Variants in MAGI1 observed in about 807,000 individuals in gnomAD.
The protein encoded by MAGI1 is membrane associated guanylate kinase, WW and PDZ domain containing 1.
In MAGI1, 58 loss-of-function variants were observed where a neutral mutation model predicts 139.9. The ratio of observed to expected loss-of-function variants is 0.41; its 90% CI spans 0.34 to 0.52. The LOEUF is 0.52. MAGI1 is among the 20% of genes least tolerant of loss of function. The probability of loss-of-function intolerance (pLI) is 0.12; values close to 1 mark genes in which losing one functional copy is unlikely to be tolerated. For synonymous variants in MAGI1, 812 were observed against 737.9 expected, an observed-to-expected ratio of 1.10 and a Z score of -1.63; for missense variants, 1,874 against 1,901.6, an observed-to-expected ratio of 0.99 and a Z score of 0.27.
At chr3:65,692,920 T>A (rs148214793) in intron 1 of MAGI1, among the ~76,000 whole-genome samples, 2 of 152,042 alleles carry the variant, frequency 1.3e-5, no homozygotes, top group Non-Finnish European at 2.9e-5. Context: ...GTAAGAAATA[T>A]TGCTTTTTTG....
At chr3:65,402,255 A>C (rs1355417001) in intron 12 of MAGI1, among the ~76,000 whole-genome samples, 3 of 152,162 alleles carry the variant, frequency 2.0e-5, no homozygotes, top group Non-Finnish European at 2.9e-5. Context: ...GAAAAAGATA[A>C]TAATGGAGAA....
At chr3:65,942,080 C>T (rs967617714) in intron 1 of MAGI1, among the ~76,000 whole-genome samples, 2 of 152,228 alleles carry the variant, frequency 1.3e-5, no homozygotes, top group Admixed American at 6.5e-5. Context: ...AGCCACCATA[C>T]CCAGCCTTAG....
intron 1 of MAGI1, among the ~76,000 whole-genome samples, chr3:65,805,872 T>A (rs550227982): frequency 1.3e-5 from 2 of 152,134 alleles, no homozygotes; most frequent in East Asian, 1.9e-4. Context: ...TCACTCATAA[T>A]TGGGAGCTGA....
At chr3:65,381,303 T>C (rs1304851079) in intron 16 of MAGI1, among the ~76,000 whole-genome samples, 1 of 152,122 alleles carries the variant, frequency 6.6e-6, no homozygotes, top group Non-Finnish European at 1.5e-5. Context: ...AAGTTATATT[T>C]GAGCTGAGCC....
intron 12 of MAGI1, among the ~76,000 whole-genome samples, chr3:65,411,859 C>T (rs756071834): frequency 6.6e-6 from 1 of 152,096 alleles, no homozygotes; most frequent in Non-Finnish European, 1.5e-5. Flanking sequence ...TTTCTCTCTC[C>T]CACCATATCC....
At chr3:65,803,238 A>T (rs2040629170) in intron 1 of MAGI1, among the ~76,000 whole-genome samples, 1 of 152,178 alleles carries the variant, frequency 6.6e-6, no homozygotes, top group African/African-American at 2.4e-5. Flanking sequence ...GCGATATTAT[A>T]ACAGCAGGTG....
chr3:65,790,542 G>A (rs1393483050), intron 1 of MAGI1, among the ~76,000 whole-genome samples: 1 of 152,160 alleles, frequency 6.6e-6, no homozygotes, highest in African/African-American at 2.4e-5. Flanking sequence ...TGAATGGTTA[G>A]GCAGAAGACA....
intron 2 of MAGI1, among the ~76,000 whole-genome samples, chr3:65,614,653 A>G (rs1039020870): frequency 2.0e-5 from 3 of 152,168 alleles, no homozygotes; most frequent in African/African-American, 4.8e-5. Context: ...ATATGTAATG[A>G]CAGTAATAAC....
chr3:65,433,796 G>T (rs750917741), intron 10 of MAGI1, among the ~76,000 whole-genome samples: 3 of 152,004 alleles, frequency 2.0e-5, no homozygotes, highest in Admixed American at 6.6e-5. Flanking sequence ...AGGATGGGGG[G>T]AGGGGAAAGA....
chr3:65,465,598 A>G (rs2107557377), intron 5 of MAGI1, among the ~76,000 whole-genome samples: 1 of 152,240 alleles, frequency 6.6e-6, no homozygotes, highest in East Asian at 1.9e-4. Flanking sequence ...GATGACAAAT[A>G]TGCTGTCATT....
chr3:65,678,009 C>T (rs375494248), intron 1 of MAGI1, among the ~76,000 whole-genome samples: 2 of 152,158 alleles, frequency 1.3e-5, no homozygotes, highest in East Asian at 3.8e-4. Context: ...AGGATGAGTT[C>T]ATGTCCTTTG....
chr3:65,863,060 A>G (rs1168888075), intron 1 of MAGI1, among the ~76,000 whole-genome samples: 2 of 152,226 alleles, frequency 1.3e-5, no homozygotes, highest in East Asian at 1.9e-4. Context: ...AGTACTTTCC[A>G]TAAGTACCAG....
intron 1 of MAGI1, among the ~76,000 whole-genome samples, chr3:66,028,136 C>T (rs1349327360): frequency 2.0e-5 from 3 of 152,088 alleles, no homozygotes; most frequent in African/African-American, 7.2e-5. Context: ...GAAACCCCAT[C>T]TCTACAAACA....
At chr3:65,364,043 A>T (rs2106741058) in intron 20 of MAGI1, among the ~76,000 whole-genome samples, 1 of 152,112 alleles carries the variant, frequency 6.6e-6, no homozygotes, top group South Asian at 2.1e-4. Context: ...CCAGGCAACC[A>T]GTAAAGAAAG....
chr3:65,478,489 C>T (rs1417315806), intron 4 of MAGI1, 103 bp downstream of exon 4: 8 of 1,176,654 alleles, frequency 6.8e-6, no homozygotes, highest in African/African-American at 1.5e-5. Context: ...GGCGACTCTA[C>T]AAAATCCCTC....
chr3:65,749,710 T>TAA (rs11328627), intron 1 of MAGI1, among the ~76,000 whole-genome samples: 562 of 134,808 alleles, frequency 4.2e-3, no homozygotes, highest in African/African-American at 7.4e-3. Flanking sequence ...TAGTCTGAGT[T>TAA]AAAAAAAAAA....
At chr3:65,946,227 T>C (rs2063539311) in intron 1 of MAGI1, among the ~76,000 whole-genome samples, 3 of 152,098 alleles carry the variant, frequency 2.0e-5, no homozygotes, top group Admixed American at 2.0e-4. Context: ...GAAAGGGTGG[T>C]GATGAAGAAG....
At chr3:65,543,224 T>C (rs1026860975) in intron 2 of MAGI1, among the ~76,000 whole-genome samples, 1 of 152,196 alleles carries the variant, frequency 6.6e-6, no homozygotes, top group Non-Finnish European at 1.5e-5. Flanking sequence ...CCAGTTAGAA[T>C]GGCGATCATT....
chr3:65,971,718 C>T (rs1444668015), intron 1 of MAGI1, among the ~76,000 whole-genome samples: 2 of 152,218 alleles, frequency 1.3e-5, no homozygotes, highest in Non-Finnish European at 1.5e-5. Context: ...ACACAGAAGC[C>T]TTCCTGCACC....
Sources: gnomAD v4.1 joint callset for allele counts (sites outside exome capture counted in the v4.1 genomes callset) on GRCh38, gnomAD v4.1.1 for gene constraint, MANE v1.5 for transcripts, NCBI Gene and HGNC (gene_info 2026-07-23, HGNC 2026-07-21) for gene names.